The following OPHN1 variants were observed in gnomAD, a reference collection of about 807,000 sequenced individuals.
The protein encoded by OPHN1 is oligophrenin 1.
A neutral mutation model predicts 60.7 loss-of-function variants in OPHN1; 11 were observed. The observed-to-expected ratio is 0.18, with a 90% confidence interval of 0.11 to 0.30. The LOEUF is 0.30. Among genes scored for constraint, OPHN1 ranks in the 10% least tolerant of loss-of-function variants. The pLI, the probability that OPHN1 is intolerant of heterozygous loss-of-function variation, is 1.00. For missense variants in OPHN1, 449 were observed against 611.0 expected (o/e 0.73, Z 2.80); for synonymous variants, 226 against 222.6 (o/e 1.02, Z -0.14).
intron 2 of OPHN1, among the ~76,000 whole-genome samples, chrX:68,430,526 G>C (rs2078880639): frequency 9.0e-6 from 1 of 111,189 alleles, no homozygotes; most frequent in African/African-American, 3.3e-5. Flanking sequence ...TTGAGTCTTA[G>C]AAAAGAAGGA....
intron 15 of OPHN1, among the ~76,000 whole-genome samples, chrX:68,188,335 C>A (rs2077472612): frequency 9.0e-6 from 1 of 111,728 alleles, no homozygotes; most frequent in Admixed American, 9.5e-5. Context: ...TAGTCAAATG[C>A]AAATAGGAAA....
chrX:68,172,465 A>G lies in OPHN1; in HGVS notation c.1276+20454T>C, dbSNP rs1183711197. 1.1e-4 allele frequency among the ~76,000 whole-genome samples: 12 copies of G among 111,708 alleles called. No homozygotes were observed. In the Admixed American group the frequency reaches 1.2e-3, roughly 11 times the overall value. ...TACTTTGGCTTGGAGCTGGGATAAG[A>G]CAGGATATAACTGTAAATGTAGCTG... On this transcript the variant is annotated intron_variant, in intron 15 of 24. Coordinates refer to ENST00000355520, the MANE Select transcript of OPHN1 (RefSeq NM_002547.3).
At position 68,203,953 on chromosome X, in the gene OPHN1, C is replaced by T. The variant is rs140136455; in HGVS notation, c.934-2243G>A. ...GTCCTGTTTTTATGTTTAATTTCAC[C>T]ACTTGACTAGGAAGTCTTCAAAGAC... On this transcript the variant is annotated intron_variant, in intron 10 of 24. Transcript: ENST00000355520. Among the ~76,000 whole-genome samples the T allele has an allele frequency of 4.4e-3, 496 of 112,876 alleles. 4 individuals carry two copies. The highest frequency in any genetic ancestry group is 0.015 in the African/African-American group (474 of 31,134).
At chrX:68,281,881 G>A (rs1200974590) in intron 4 of OPHN1, among the ~76,000 whole-genome samples, 1 of 112,575 alleles carries the variant, frequency 8.9e-6, no homozygotes, top group East Asian at 2.8e-4. Flanking sequence ...ACACATCCGT[G>A]AGAATGGCTA....
intron 3 of OPHN1, among the ~76,000 whole-genome samples, chrX:68,285,621 CTTCTT>C (rs2078037685): frequency 9.0e-6 from 1 of 111,091 alleles, no homozygotes; most frequent in Non-Finnish European, 1.9e-5. Context: ...GTCTCACTCT[CTTCTT>C]CTGAGGTTCT....
rs375060924 is a variant in OPHN1 at position 68,255,499 on chromosome X, A to C, written c.384+19239T>G. Among the ~76,000 whole-genome samples the C allele has an allele frequency of 3.7e-4, 42 of 112,129 alleles. 2 individuals are homozygous for C. In the East Asian group the frequency reaches 9.1e-3, roughly 24 times the overall value. On this transcript the variant is annotated intron_variant, in intron 5 of 24. Coordinates refer to ENST00000355520, the MANE Select transcript of OPHN1 (RefSeq NM_002547.3). ...TTTAGATGAGATTAACATTTAAACC[A>C]GTAGTCTTGCGGATATGTGGGCCTC...
intron 2 of OPHN1, among the ~76,000 whole-genome samples, chrX:68,381,017 A>G (rs1216119253): frequency 9.0e-6 from 1 of 111,298 alleles, no homozygotes; most frequent in Non-Finnish European, 1.9e-5. Flanking sequence ...ACTGTACCAC[A>G]GCTGCAAGAC....
At chrX:68,056,706 GAATA>G (rs2147352407) in intron 21 of OPHN1, among the ~76,000 whole-genome samples, 1 of 111,267 alleles carries the variant, frequency 9.0e-6, no homozygotes, top group Admixed American at 9.6e-5. Flanking sequence ...TGAGAGAGAT[GAATA>G]AATAGGTCTT....
chrX:68,103,497 T>G (rs5964639), intron 18 of OPHN1, among the ~76,000 whole-genome samples: 2,237 of 110,124 alleles, frequency 0.02, 62 homozygotes, highest in African/African-American at 0.071. Flanking sequence ...TCACCACTCC[T>G]ATTCAACATA....
At chrX:68,331,149 ATTGTAC>A (rs2147675658) in intron 2 of OPHN1, among the ~76,000 whole-genome samples, 1 of 105,900 alleles carries the variant, frequency 9.4e-6, no homozygotes, top group African/African-American at 3.4e-5. Flanking sequence ...GTAAAATTAT[ATTGTAC>A]TTGTATAATT....
intron 2 of OPHN1, among the ~76,000 whole-genome samples, chrX:68,367,837 G>A (rs1410550328): frequency 3.6e-5 from 4 of 111,027 alleles, no homozygotes; most frequent in Non-Finnish European, 7.5e-5. Flanking sequence ...TCTCTCTCTT[G>A]CCACTCTGTG....
chrX:68,199,676 G>A (rs752853793), intron 11 of OPHN1, among the ~76,000 whole-genome samples: 1 of 111,704 alleles, frequency 9.0e-6, no homozygotes, highest in Admixed American at 9.6e-5. Flanking sequence ...TCCACATGCA[G>A]AGAGGGGCCT....
chrX:68,415,300 C>A (rs767450275), intron 2 of OPHN1, among the ~76,000 whole-genome samples: 2 of 112,240 alleles, frequency 1.8e-5, no homozygotes, highest in East Asian at 2.8e-4. Context: ...TTTTTTAAAT[C>A]TGTATTAAAT....
At chrX:68,140,693 C>T (rs1852428046) in intron 15 of OPHN1, among the ~76,000 whole-genome samples, 1 of 109,846 alleles carries the variant, frequency 9.1e-6, no homozygotes, top group Non-Finnish European at 1.9e-5. Flanking sequence ...CATTTTTCCA[C>T]CCAAATAATT....
chrX:68,376,534 T>C (rs901695645), intron 2 of OPHN1, among the ~76,000 whole-genome samples: 1 of 111,415 alleles, frequency 9.0e-6, no homozygotes, highest in African/African-American at 3.3e-5. Context: ...GGTGTGTTAC[T>C]GGTTGCTATA....
At chrX:68,359,149 T>C (rs2078457302) in intron 2 of OPHN1, among the ~76,000 whole-genome samples, 1 of 112,134 alleles carries the variant, frequency 8.9e-6, no homozygotes, top group African/African-American at 3.2e-5. Flanking sequence ...TTACCTCCTA[T>C]TATGTATGAT....
At chrX:68,221,774 A>C (rs1837048864) in intron 6 of OPHN1, among the ~76,000 whole-genome samples, 1 of 96,405 alleles carries the variant, frequency 1.0e-5, no homozygotes, top group African/African-American at 3.7e-5. Flanking sequence ...TACAAAAATC[A>C]ATTGAAGATG....
At chrX:68,432,627 G>A (rs1430753994) in intron 2 of OPHN1, among the ~76,000 whole-genome samples, 2 of 111,612 alleles carry the variant, frequency 1.8e-5, no homozygotes, top group Non-Finnish European at 3.8e-5. Context: ...AGGGTCCCTG[G>A]CACAGCTACG....
intron 19 of OPHN1, among the ~76,000 whole-genome samples, chrX:68,091,782 T>A (rs931393079): frequency 1.8e-5 from 2 of 111,015 alleles, no homozygotes; most frequent in African/African-American, 6.6e-5. Context: ...TCAACCTTCC[T>A]CTGTCAGTCC....
Sources: allele counts gnomAD v4.1 joint callset (sites outside exome capture counted in the v4.1 genomes callset), GRCh38; gene constraint gnomAD v4.1.1; transcripts MANE v1.5; gene names NCBI Gene and HGNC (gene_info 2026-07-23, HGNC 2026-07-21).